Variants in SPOCK3 observed in about 807,000 individuals in gnomAD.
SPOCK3 encodes SPARC (osteonectin), cwcv and kazal like domains proteoglycan 3, also known as testican-3.
SPOCK3 carries 30 observed loss-of-function variants against 56.6 expected under a neutral mutation model. The ratio of observed to expected loss-of-function variants is 0.53; its 90% CI spans 0.40 to 0.72. The LOEUF (loss-of-function observed/expected upper bound fraction) is 0.72. Among genes scored for constraint, SPOCK3 ranks in the 30% least tolerant of loss-of-function variants. The probability of loss-of-function intolerance (pLI) is 0.00; values close to 1 mark genes in which losing one functional copy is unlikely to be tolerated. For synonymous variants in SPOCK3, 196 were observed against 183.3 expected (o/e 1.07, Z -0.56); for missense variants, 527 against 530.0 (o/e 0.99, Z 0.06).
At chr4:167,099,989 A>G (rs1759496224) in intron 2 of SPOCK3, among the ~76,000 whole-genome samples, 1 of 152,130 alleles carries the variant, frequency 6.6e-6, no homozygotes, top group African/African-American at 2.4e-5. Flanking sequence ...AATAACTAAC[A>G]TCACTTAGGC....
At chr4:166,982,017 C>G (rs1746635296) in intron 4 of SPOCK3, among the ~76,000 whole-genome samples, 2 of 152,204 alleles carry the variant, frequency 1.3e-5, no homozygotes, top group Admixed American at 1.3e-4. Context: ...CAGGGGGGAT[C>G]CTGGGTCCCC....
intron 2 of SPOCK3, among the ~76,000 whole-genome samples, chr4:167,089,185 A>G (rs1286502783): frequency 1.3e-5 from 2 of 152,142 alleles, no homozygotes; most frequent in Non-Finnish European, 1.5e-5. Context: ...ATGTATTTCT[A>G]CATGCCATTT....
chr4:166,896,404 C>T (rs188938255), intron 5 of SPOCK3, among the ~76,000 whole-genome samples: 193 of 152,270 alleles, frequency 1.3e-3, no homozygotes, highest in African/African-American at 4.5e-3. Flanking sequence ...TAGAAGGACC[C>T]ATCCTCTCTT....
intron 6 of SPOCK3, among the ~76,000 whole-genome samples, chr4:166,876,670 T>C (rs1052246034): frequency 1.3e-5 from 2 of 152,154 alleles, no homozygotes; most frequent in Admixed American, 1.3e-4. Flanking sequence ...AAAAATTATT[T>C]ACAAACGATA....
At chr4:167,192,066 A>G (rs1426162490) in intron 2 of SPOCK3, among the ~76,000 whole-genome samples, 1 of 145,686 alleles carries the variant, frequency 6.9e-6, no homozygotes, top group Non-Finnish European at 1.5e-5. Flanking sequence ...CATTCTGTTA[A>G]TGTCATATAT....
At chr4:166,831,662 T>G (rs1746070402) in intron 6 of SPOCK3, among the ~76,000 whole-genome samples, 1 of 151,764 alleles carries the variant, frequency 6.6e-6, no homozygotes, top group Admixed American at 6.6e-5. Context: ...TTCTCTTTTA[T>G]TTTCTTGACC....
At chr4:167,213,027 C>T (rs1200143740) in intron 2 of SPOCK3, among the ~76,000 whole-genome samples, 2 of 152,182 alleles carry the variant, frequency 1.3e-5, no homozygotes, top group East Asian at 3.9e-4. Context: ...GATGCTGGAG[C>T]ACAATCTACA....
intron 6 of SPOCK3, among the ~76,000 whole-genome samples, chr4:166,833,114 T>C (rs1746257808): frequency 6.6e-6 from 1 of 152,218 alleles, no homozygotes; most frequent in Non-Finnish European, 1.5e-5. Flanking sequence ...TGTGTGTCTT[T>C]TTAATTTCAC....
At chr4:167,013,248 G>A (rs953399533) in intron 3 of SPOCK3, among the ~76,000 whole-genome samples, 1 of 151,730 alleles carries the variant, frequency 6.6e-6, no homozygotes, top group Non-Finnish European at 1.5e-5. Context: ...CTACTACATT[G>A]ACAAATCAAA....
rs1289853986 is a variant in SPOCK3 at position 166,899,235 on chromosome 4, T to C, written c.475-9991A>G. Among the ~76,000 whole-genome samples the C allele has an allele frequency of 2.7e-5, 4 of 147,530 alleles. No homozygotes were observed. In the East Asian group the frequency reaches 8.1e-4, roughly 30 times the overall value. ...CACGTGACTCAATTCCTATAATAAA[T>C]CTCCTCATATCTATCTATCTATCTA... On this transcript the variant is annotated intron_variant, in intron 5 of 10. Coordinates refer to ENST00000357545, the MANE Select transcript of SPOCK3 (RefSeq NM_001040159.2).
At chr4:167,193,092 T>C (rs1241675803) in intron 2 of SPOCK3, among the ~76,000 whole-genome samples, 2 of 146,280 alleles carry the variant, frequency 1.4e-5, no homozygotes, top group Admixed American at 1.4e-4. Context: ...GTCTTCGTTA[T>C]GTGTCTGTTG....
At chr4:166,845,659 A>T (rs1747983714) in intron 6 of SPOCK3, among the ~76,000 whole-genome samples, 1 of 152,190 alleles carries the variant, frequency 6.6e-6, no homozygotes, top group Non-Finnish European at 1.5e-5. Context: ...TCTCTTTTGT[A>T]ATTACCAAGC....
intron 4 of SPOCK3, among the ~76,000 whole-genome samples, chr4:166,956,277 G>T (rs1743462788): frequency 6.6e-6 from 1 of 151,852 alleles, no homozygotes; most frequent in Admixed American, 6.6e-5. Flanking sequence ...GATAAAATTT[G>T]ATGTATGAGT....
chr4:167,077,300 T>C (rs2150281255), intron 2 of SPOCK3, among the ~76,000 whole-genome samples: 1 of 151,672 alleles, frequency 6.6e-6, no homozygotes, highest in South Asian at 2.1e-4. Context: ...CAAAATTCTT[T>C]AGAGACAAAT....
At chr4:167,182,446 CAAAG>C (rs916021259) in intron 2 of SPOCK3, among the ~76,000 whole-genome samples, 68 of 146,322 alleles carry the variant, frequency 4.6e-4, no homozygotes, top group Non-Finnish European at 7.8e-4. Flanking sequence ...GTCTTATGCT[CAAAG>C]AAAGATATTT....
chr4:167,208,334 A>G (rs527296172), intron 2 of SPOCK3, among the ~76,000 whole-genome samples: 92 of 152,306 alleles, frequency 6.0e-4, no homozygotes, highest in African/African-American at 2.2e-3. Context: ...TTTTATTCAT[A>G]GTTGTTCCCT....
At chr4:166,847,681 A>ATATATATATATATATAT (rs1560926812) in intron 6 of SPOCK3, among the ~76,000 whole-genome samples, 568 of 90,858 alleles carry the variant, frequency 6.3e-3, no homozygotes, top group East Asian at 8.6e-3. Context: ...ATATATATAT[A>ATATATATATATATATAT]AGAATCATGT....
intron 2 of SPOCK3, among the ~76,000 whole-genome samples, chr4:167,088,302 T>C (rs1276329970): frequency 1.3e-5 from 2 of 152,132 alleles, no homozygotes; most frequent in Non-Finnish European, 2.9e-5. Context: ...TTTCAGATGA[T>C]GCTGATGCCA....
chr4:166,846,758 G>A (rs1748102499), intron 6 of SPOCK3, among the ~76,000 whole-genome samples: 1 of 151,872 alleles, frequency 6.6e-6, no homozygotes, highest in Admixed American at 6.6e-5. Flanking sequence ...TAGGTCTCTG[G>A]TAATTTGCAA....
Sources: allele counts gnomAD v4.1 joint callset (sites outside exome capture counted in the v4.1 genomes callset), GRCh38; gene constraint gnomAD v4.1.1; transcripts MANE v1.5; gene names NCBI Gene and HGNC (gene_info 2026-07-23, HGNC 2026-07-21).